The following ZCCHC17 variants were observed in gnomAD, a reference collection of about 807,000 sequenced individuals.
The protein encoded by ZCCHC17 is zinc finger CCHC-type containing 17, also known as zinc finger CCHC domain-containing protein 17.
Under a neutral mutation model 30.6 loss-of-function variants are expected in ZCCHC17, and 18 were observed. The ratio of observed to expected loss-of-function variants is 0.59; its 90% CI spans 0.41 to 0.87. ZCCHC17 has a LOEUF of 0.87. Among genes scored for constraint, ZCCHC17 ranks in the 40% least tolerant of loss-of-function variants. The pLI is 0.00. For missense variants in ZCCHC17, 263 were observed against 284.2 expected (o/e 0.93, Z 0.54); for synonymous variants, 88 against 92.4 (o/e 0.95, Z 0.27).
At chr1:31,307,082 C>T (rs139021410) in intron 1 of ZCCHC17, among the ~76,000 whole-genome samples, 150 of 151,764 alleles carry the variant, frequency 9.9e-4, no homozygotes, top group Admixed American at 4.4e-3. Context: ...GTGATCCACC[C>T]GCCTTGGCCT....
intron 6 of ZCCHC17, among the ~76,000 whole-genome samples, chr1:31,347,062 AT>A (rs979460192): frequency 2.6e-5 from 4 of 152,158 alleles, no homozygotes; most frequent in Non-Finnish European, 5.9e-5. Context: ...TAACACTCTA[AT>A]TTTATCTCCA....
At chr1:31,317,170 G>A (rs577689430) in intron 2 of ZCCHC17, among the ~76,000 whole-genome samples, 33 of 151,682 alleles carry the variant, frequency 2.2e-4, no homozygotes, top group African/African-American at 7.7e-4. Flanking sequence ...GATTACAGAC[G>A]CCCACCACCA....
intron 5 of ZCCHC17, among the ~76,000 whole-genome samples, chr1:31,344,862 G>GTTGTTTGTTTGTTTGTTTGTTTGTTTGT (rs71278777): frequency 1.3e-5 from 2 of 150,486 alleles, no homozygotes; most frequent in African/African-American, 4.9e-5. Context: ...GTTTTTTTTT[G>GTTGTTTGTTTGTTTGTTTGTTTGTTTGT]TTGTTTGTTT....
chr1:31,335,953 A>G (rs1638798599), intron 3 of ZCCHC17, among the ~76,000 whole-genome samples: 1 of 152,008 alleles, frequency 6.6e-6, no homozygotes, highest in African/African-American at 2.4e-5. Context: ...CAGATTTACT[A>G]TGTTTGCCAT....
At chr1:31,297,480 T>C (rs1292218545) in intron 1 of ZCCHC17, among the ~76,000 whole-genome samples, 1 of 152,216 alleles carries the variant, frequency 6.6e-6, no homozygotes, top group Non-Finnish European at 1.5e-5. Context: ...ATGAAGGAAA[T>C]GTCCGACTCC....
rs116215309 is a variant in ZCCHC17 at position 31,316,533 on chromosome 1, G to A, written c.67-2576G>A. On this transcript the variant is annotated intron_variant, in intron 2 of 7. Coordinates refer to ENST00000344147, the MANE Select transcript of ZCCHC17 (RefSeq NM_016505.4). ...GTGCCTTCAGTTGGTCCAGAAAGAA[G>A]CGATTTGCTTTTATTTCAATTAAAA... 2.9e-3 allele frequency among the ~76,000 whole-genome samples: 436 copies of A among 152,334 alleles called. 1 individual carries two copies. Among genetic ancestry groups the A allele is most frequent in the African/African-American group, 9.8e-3 (409 of 41,576 alleles).
intron 3 of ZCCHC17, among the ~76,000 whole-genome samples, chr1:31,334,284 T>A (rs1046283550): frequency 3.3e-5 from 5 of 150,212 alleles, no homozygotes; most frequent in African/African-American, 1.2e-4. Flanking sequence ...GTTTCAGGCA[T>A]CTGCAGGCAT....
chr1:31,301,976 C>G (rs1646323705), intron 1 of ZCCHC17, among the ~76,000 whole-genome samples: 1 of 152,090 alleles, frequency 6.6e-6, no homozygotes, highest in Non-Finnish European at 1.5e-5. Context: ...ACCTGTAATC[C>G]TAACACTTTG....
At position 31,346,677 on chromosome 1, in the gene ZCCHC17, A is replaced by C; in HGVS notation, c.355A>C (p.Thr119Pro). 1.2e-6 allele frequency: 2 copies of C among 1,613,936 alleles called. No individual in the cohort carries two copies. The highest frequency in any genetic ancestry group is 1.7e-6 in the Non-Finnish European group (2 of 1,179,904). Residue 119 changes from threonine to proline, a missense_variant, in exon 6 of 8, where the codon ACT (threonine) becomes CCT (proline). Physicochemically the swap from Thr to Pro is conservative, Grantham distance 38. Transcript: ENST00000344147. ...ERRRRSFQDY[T>P]GQKITLEAVL... Reference sequence around the variant, plus strand: ...GCGGAGGCGATCCTTCCAGGATTACACTGGGCAGAAGATCACCCTTGAGGC... The same window carrying C: ...GCGGAGGCGATCCTTCCAGGATTACCCTGGGCAGAAGATCACCCTTGAGGC...
intron 3 of ZCCHC17, among the ~76,000 whole-genome samples, chr1:31,319,714 A>G (rs1371959897): frequency 4.6e-5 from 7 of 152,146 alleles, no homozygotes; most frequent in Admixed American, 4.6e-4. Flanking sequence ...GTCTGCCCAG[A>G]GTGATTTGGC....
rs140835737 is a variant in ZCCHC17, at chr1:31,305,416, A to G, written c.-55-4628A>G. Among the ~76,000 whole-genome samples, 499 of 152,138 alleles carry G rather than the reference A, an allele frequency of 3.3e-3. 2 individuals are homozygous for G. Among genetic ancestry groups the G allele is most frequent in the African/African-American group, 0.011 (466 of 41,504 alleles). On this transcript the variant is annotated intron_variant, in intron 1 of 7. Transcript: ENST00000344147. ...TGCCTCAGCCTCCTGAGTAGCTGGG[A>G]CAATAGGCAGGTGCCACTATGCCGA... is the stretch of plus-strand genomic sequence containing the variant.
At chr1:31,311,378 A>G (rs1004379375) in intron 2 of ZCCHC17, among the ~76,000 whole-genome samples, 2 of 152,252 alleles carry the variant, frequency 1.3e-5, no homozygotes, top group African/African-American at 4.8e-5. Flanking sequence ...TAGTCAAGAC[A>G]CACTGGCCTC....
At chr1:31,317,150 G>A (rs974311840) in intron 2 of ZCCHC17, among the ~76,000 whole-genome samples, 1 of 149,756 alleles carries the variant, frequency 6.7e-6, no homozygotes, top group East Asian at 2.0e-4. Context: ...TCAGCCTCCC[G>A]AGTAGCTGGG....
chr1:31,312,864 C>T (rs1370384027), intron 2 of ZCCHC17, among the ~76,000 whole-genome samples: 2 of 151,802 alleles, frequency 1.3e-5, no homozygotes, highest in African/African-American at 2.4e-5. Flanking sequence ...CCTCCACCTC[C>T]CAGGTTCAAG....
intron 2 of ZCCHC17, among the ~76,000 whole-genome samples, chr1:31,313,681 C>T (rs1239164425): frequency 6.6e-6 from 1 of 151,994 alleles, no homozygotes; most frequent in Non-Finnish European, 1.5e-5. Flanking sequence ...AGTAAGGTAC[C>T]GGAGCTCAGA....
At chr1:31,363,235 G>T (rs1323796576) in intron 7 of ZCCHC17, among the ~76,000 whole-genome samples, 1 of 149,148 alleles carries the variant, frequency 6.7e-6, no homozygotes, top group African/African-American at 2.5e-5. Context: ...CAAGGCTGGA[G>T]TGCAGTGGCA....
chr1:31,356,596 A>C (rs1639651434), intron 7 of ZCCHC17, among the ~76,000 whole-genome samples: 1 of 152,224 alleles, frequency 6.6e-6, no homozygotes. Context: ...CACTCAGTGA[A>C]ACCTGCCCTC....
intron 7 of ZCCHC17, among the ~76,000 whole-genome samples, chr1:31,351,065 C>T (rs1056334361): frequency 3.3e-5 from 5 of 152,092 alleles, no homozygotes; most frequent in Admixed American, 1.3e-4. Flanking sequence ...TTTTAGTCCT[C>T]CTTCCTAAAC....
At chr1:31,316,237 G>A (rs978674070) in intron 2 of ZCCHC17, among the ~76,000 whole-genome samples, 1 of 152,190 alleles carries the variant, frequency 6.6e-6, no homozygotes, top group African/African-American at 2.4e-5. Context: ...AAGTAGCTGG[G>A]ATTACAGGCA....
Sources: allele counts gnomAD v4.1 joint callset (sites outside exome capture counted in the v4.1 genomes callset), GRCh38; gene constraint gnomAD v4.1.1; transcripts MANE v1.5; gene names NCBI Gene and HGNC (gene_info 2026-07-23, HGNC 2026-07-21).